HACE1: variants seen among roughly 807,000 people sequenced by gnomAD.
The protein encoded by HACE1 is E3 ubiquitin-protein ligase HACE1.
In HACE1, 73 loss-of-function variants were observed where a neutral mutation model predicts 118.4. The observed-to-expected ratio is 0.62, with a 90% CI of 0.51 to 0.75. HACE1 has a LOEUF of 0.75. HACE1 is among the 30% of genes least tolerant of loss of function. The pLI is 0.00. For missense variants in HACE1, 749 were observed against 1,102.2 expected (o/e 0.68, Z 4.54); for synonymous variants, 368 against 374.8 (o/e 0.98, Z 0.21).
chr6:104,809,409 T>A (rs1771359801), intron 7 of HACE1, among the ~76,000 whole-genome samples: 1 of 152,084 alleles, frequency 6.6e-6, no homozygotes, highest in Non-Finnish European at 1.5e-5. Flanking sequence ...AATAGCCCTG[T>A]AAAAAGCCTA....
intron 19 of HACE1, among the ~76,000 whole-genome samples, chr6:104,760,350 C>T (rs182964870): frequency 9.2e-5 from 14 of 152,260 alleles, no homozygotes; most frequent in Non-Finnish European, 1.8e-4. Flanking sequence ...TTATCCACCA[C>T]GATCAAGTCG....
intron 22 of HACE1, among the ~76,000 whole-genome samples, chr6:104,738,009 C>G (rs943290277): frequency 3.3e-5 from 5 of 152,138 alleles, no homozygotes; most frequent in Non-Finnish European, 7.4e-5. Context: ...TCAAGTGGGT[C>G]CCTGACCCCC....
At chr6:104,818,223 A>C (rs137858316) in intron 6 of HACE1, among the ~76,000 whole-genome samples, 1 of 152,196 alleles carries the variant, frequency 6.6e-6, no homozygotes, top group Non-Finnish European at 1.5e-5. Context: ...GCTTTCAAAT[A>C]TAAGAAAAAC....
At chr6:104,735,210 A>T (rs1367373343) in intron 22 of HACE1, among the ~76,000 whole-genome samples, 1 of 152,152 alleles carries the variant, frequency 6.6e-6, no homozygotes, top group African/African-American at 2.4e-5. Flanking sequence ...CTATTTGCAG[A>T]GTTAATACCC....
chr6:104,788,309 T>C (rs1782652231), intron 11 of HACE1, among the ~76,000 whole-genome samples: 1 of 152,138 alleles, frequency 6.6e-6, no homozygotes, highest in East Asian at 1.9e-4. Flanking sequence ...TCATTCATTA[T>C]TATTGAGTGA....
rs761297846 is a variant in HACE1 at position 104,744,564 on chromosome 6, A to G, written c.2390T>C (p.Ile797Thr). ...GCCACTTGTGTATTCTGTATTTTTTATCCAATCACTCACATCAATTTCTGG... is the reference window on the plus strand; with the variant it reads ...GCCACTTGTGTATTCTGTATTTTTTGTCCAATCACTCACATCAATTTCTGG... ...GMPEIDVSDW[I>T]KNTEYTSGYE... Residue 797 changes from isoleucine to threonine, a missense_variant, in exon 21 of 24, where the codon ATA becomes ACA. Transcript: ENST00000262903. The G allele has an allele frequency of 1.2e-6, 2 of 1,607,056 alleles. No homozygotes were observed. The highest frequency in any genetic ancestry group is 1.7e-6 in the Non-Finnish European group (2 of 1,173,692).
intron 11 of HACE1, chr6:104,785,590 A>T: frequency 2.7e-6 from 1 of 370,668 alleles, no homozygotes; most frequent in Non-Finnish European, 4.9e-6. Context: ...CTAACAAAAA[A>T]TTCACAATCT....
intron 5 of HACE1, among the ~76,000 whole-genome samples, chr6:104,841,978 A>T (rs1775158975): frequency 6.6e-6 from 1 of 152,320 alleles, no homozygotes; most frequent in East Asian, 1.9e-4. Context: ...TTGCAAAGAA[A>T]GTGGTATGGC....
intron 5 of HACE1, among the ~76,000 whole-genome samples, chr6:104,838,991 A>G (rs1195591369): frequency 6.6e-6 from 1 of 152,026 alleles, no homozygotes; most frequent in Non-Finnish European, 1.5e-5. Context: ...AAACAGGTAT[A>G]TAAAAAGGTG....
rs370929585 is a variant in HACE1 at position 104,831,979 on chromosome 6, A to AGAAGAGAAGAGAAGAGAAGAG, written c.534+1062_534+1063insCTCTTCTCTTCTCTTCTCTTC. On this transcript the variant is annotated intron_variant, in intron 6 of 23. Coordinates refer to ENST00000262903, the MANE Select transcript of HACE1 (RefSeq NM_020771.4). ...AGAAGAGAAGAGAAGAGAAGAGAAG[A>AGAAGAGAAGAGAAGAGAAGAG]GAGGAAGGAAGGAAGGAAGGAAGGA... Among the ~76,000 whole-genome samples, 304 of 38,658 alleles carry AGAAGAGAAGAGAAGAGAAGAG rather than the reference A, an allele frequency of 7.9e-3. 4 individuals are homozygous for AGAAGAGAAGAGAAGAGAAGAG. The highest frequency in any genetic ancestry group is 9.9e-3 in the Non-Finnish European group (199 of 20,162). 25.4% of individuals were successfully genotyped at this position (38,658 alleles called of 152,430 possible). A position where few individuals can be genotyped will look rare whatever the true frequency, so the allele number is the denominator to read the frequency against.
chr6:104,736,147 C>T (rs924643523), intron 22 of HACE1, among the ~76,000 whole-genome samples: 2 of 151,242 alleles, frequency 1.3e-5, no homozygotes, highest in African/African-American at 2.4e-5. Flanking sequence ...TTTTTTCATC[C>T]TTTTTATTAA....
chr6:104,786,263 C>T (rs1281057057), intron 11 of HACE1: 1 of 151,406 alleles, frequency 6.6e-6, no homozygotes, highest in East Asian at 1.9e-4. Context: ...ATCACTTGAA[C>T]CCAGGAGGCA....
intron 10 of HACE1, 84 bp from the exon 11 acceptor site, chr6:104,791,738 G>T: frequency 2.3e-6 from 2 of 869,310 alleles, no homozygotes; most frequent in South Asian, 3.0e-5. Flanking sequence ...TCATCCCACT[G>T]ACCATCTGTT....
intron 14 of HACE1, chr6:104,780,427 C>T: frequency 2.4e-6 from 1 of 414,012 alleles, no homozygotes; most frequent in Non-Finnish European, 4.7e-6. Context: ...TACAGCAATA[C>T]AAAATGTTTC....
chr6:104,858,428 C>G, intron 1 of HACE1: 1 of 333,672 alleles, frequency 3.0e-6, no homozygotes, highest in Non-Finnish European at 6.0e-6. Flanking sequence ...AGGCCAGGCG[C>G]GGTGGCTCAC....
chr6:104,793,925 G>C (rs1239336548), intron 10 of HACE1, among the ~76,000 whole-genome samples: 1 of 152,186 alleles, frequency 6.6e-6, no homozygotes, highest in Non-Finnish European at 1.5e-5. Flanking sequence ...CACCATAAGT[G>C]GTGAGAGAGC....
At chr6:104,796,149 G>A (rs1769598053) in intron 9 of HACE1, among the ~76,000 whole-genome samples, 1 of 151,974 alleles carries the variant, frequency 6.6e-6, no homozygotes. Context: ...TATCGCCCAG[G>A]CTAGAGTGTA....
At chr6:104,796,112 T>A (rs1769590922) in intron 9 of HACE1, among the ~76,000 whole-genome samples, 1 of 152,152 alleles carries the variant, frequency 6.6e-6, no homozygotes, top group African/African-American at 2.4e-5. Flanking sequence ...TTTTTATTTT[T>A]ATTTTTTTAA....
chr6:104,784,481 T>C lies in HACE1; in HGVS notation c.1414A>G (p.Thr472Ala). The change falls in exon 13 of 24, where the codon ACT becomes GCT. Residue 472 changes from threonine to alanine, a missense_variant. Coordinates refer to ENST00000262903, the MANE Select transcript of HACE1 (RefSeq NM_020771.4). ...CCSCQMPPGM[T>A]SPRFIEFVCK... The stretch of plus-strand genomic sequence containing the variant: ...ACAAATTCAATGAAACGAGGTGAAG[T>C]CATTCTGTGGGGGGAAAACATCAAT... 1 of 1,609,382 alleles carries C rather than the reference T, an allele frequency of 6.2e-7. No individual in the cohort carries two copies. The highest frequency in any genetic ancestry group is 8.5e-7 in the Non-Finnish European group (1 of 1,175,970).
Sources: allele counts gnomAD v4.1 joint callset (sites outside exome capture counted in the v4.1 genomes callset), GRCh38; gene constraint gnomAD v4.1.1; transcripts MANE v1.5; gene names NCBI Gene and HGNC (gene_info 2026-07-23, HGNC 2026-07-21).